The following CEMIP2 variants were observed in gnomAD, a reference collection of about 807,000 sequenced individuals.
CEMIP2 encodes cell surface hyaluronidase CEMIP2.
CEMIP2 carries 79 observed loss-of-function variants against 146.9 expected under a neutral mutation model. The ratio of observed to expected loss-of-function variants is 0.54; its 90% CI spans 0.45 to 0.65. CEMIP2 has a LOEUF of 0.65. Ranked by LOEUF, CEMIP2 falls within the 30% of genes least tolerant of loss-of-function variation. The pLI, the probability that CEMIP2 is intolerant of heterozygous loss-of-function variation, is 0.00. For synonymous variants in CEMIP2, 601 were observed against 606.3 expected, an observed-to-expected ratio of 0.99 and a Z score of 0.13; for missense variants, 1,596 against 1,696.2, an observed-to-expected ratio of 0.94 and a Z score of 1.04.
chr9:71,752,206 A>C (rs1472425087), intron 1 of CEMIP2, among the ~76,000 whole-genome samples: 1 of 151,666 alleles, frequency 6.6e-6, no homozygotes, highest in Non-Finnish European at 1.5e-5. Context: ...TTTAACTTAC[A>C]CCACTGTGTC....
chr9:71,748,591 A>C (rs1824154937), intron 2 of CEMIP2, among the ~76,000 whole-genome samples: 1 of 152,190 alleles, frequency 6.6e-6, no homozygotes, highest in Admixed American at 6.5e-5. Flanking sequence ...ACTGCAGAAG[A>C]GTTGGGAAGT....
chr9:71,742,487 C>T (rs1052285501), intron 4 of CEMIP2, among the ~76,000 whole-genome samples: 3 of 152,138 alleles, frequency 2.0e-5, no homozygotes, highest in African/African-American at 4.8e-5. Flanking sequence ...CTTCAAAGGC[C>T]TATGTGTTTA....
At chr9:71,728,239 A>AAG (rs374715353) in intron 10 of CEMIP2, among the ~76,000 whole-genome samples, 1 of 30,060 alleles carries the variant, frequency 3.3e-5, no homozygotes, top group Non-Finnish European at 9.1e-5. Flanking sequence ...CTCTATATAT[A>AAG]TATATATATA....
chr9:71,715,649 CT>C (rs1413540240), intron 14 of CEMIP2, among the ~76,000 whole-genome samples: 16 of 48,802 alleles, frequency 3.3e-4, no homozygotes, highest in Non-Finnish European at 4.4e-4. Flanking sequence ...TATATATATA[CT>C]TTTTTTTTTT....
At chr9:71,746,505 C>T (rs565315907) in intron 2 of CEMIP2, among the ~76,000 whole-genome samples, 164 bp from the exon 3 acceptor site, 13 of 150,096 alleles carry the variant, frequency 8.7e-5, no homozygotes, top group African/African-American at 2.9e-4. Flanking sequence ...CAGCAGAGAA[C>T]CATCTTACCC....
chr9:71,767,914 A>G lies in CEMIP2; in HGVS notation c.-13+443T>C, dbSNP rs765088343. On this transcript the variant is annotated intron_variant, in intron 1 of 23. Coordinates refer to ENST00000377044, the MANE Select transcript of CEMIP2 (RefSeq NM_013390.3). Reference sequence around the variant, plus strand: ...CGCGCGCACTGAAGCCCGGACTGCAAAGCACATTCCATCAACCTTTCACTG... The same window carrying G: ...CGCGCGCACTGAAGCCCGGACTGCAGAGCACATTCCATCAACCTTTCACTG... Among the ~76,000 whole-genome samples the G allele has an allele frequency of 2.1e-4, 32 of 152,180 alleles. 1 individual carries two copies. The highest frequency in any genetic ancestry group is 4.0e-4 in the Non-Finnish European group (27 of 68,020).
At chr9:71,703,477 C>G (rs1250559924) in intron 18 of CEMIP2, among the ~76,000 whole-genome samples, 5 of 152,228 alleles carry the variant, frequency 3.3e-5, no homozygotes, top group Non-Finnish European at 5.9e-5. Context: ...TTTCTTAAAG[C>G]TGAATTCCTA....
At chr9:71,752,463 AGGAAGGAAGGAAGGAAGG>A (rs1223846199) in intron 1 of CEMIP2, among the ~76,000 whole-genome samples, 1 of 62 alleles carries the variant, frequency 0.016, no homozygotes, top group Non-Finnish European at 0.031. Context: ...GCCAAGAGGA[AGGAAGGAAGGAAGGAAGG>A]GGGAGGGAAG....
At chr9:71,740,532 A>G (rs990469772) in intron 4 of CEMIP2, among the ~76,000 whole-genome samples, 9 of 152,214 alleles carry the variant, frequency 5.9e-5, no homozygotes, top group African/African-American at 2.2e-4. Context: ...CACACATAAC[A>G]TTCTGGCCAA....
intron 21 of CEMIP2, among the ~76,000 whole-genome samples, chr9:71,690,450 T>A (rs1290614411): frequency 1.3e-5 from 2 of 152,228 alleles, no homozygotes; most frequent in Non-Finnish European, 2.9e-5. Flanking sequence ...AGATTCTGCC[T>A]TGACTGATGT....
chr9:71,697,801 G>T, intron 20 of CEMIP2, 184 bp downstream of exon 20: 1 of 581,118 alleles, frequency 1.7e-6, no homozygotes, highest in Non-Finnish European at 3.0e-6. Flanking sequence ...AAGTATCTCT[G>T]TCATAAATTT....
intron 21 of CEMIP2, among the ~76,000 whole-genome samples, chr9:71,691,345 G>C (rs187984281): frequency 5.9e-5 from 9 of 151,386 alleles, no homozygotes; most frequent in Non-Finnish European, 1.0e-4. Flanking sequence ...TTGAACCCAG[G>C]AGGTGGAGGC....
chr9:71,698,047 A>C lies in CEMIP2; in HGVS notation c.3535T>G (p.Ser1179Ala). The change falls in exon 20 of 24, where the codon TCA (serine) becomes GCA (alanine). Residue 1179 changes from serine (S) to alanine (A), a missense_variant. Physicochemically the swap from Ser to Ala is moderately conservative, Grantham distance 99 (BLOSUM62 1). Coordinates refer to ENST00000377044, the MANE Select transcript of CEMIP2 (RefSeq NM_013390.3). ...ATGGCCGGCATCCGCTTGACCACTG[A>C]CGGCTTTCTGTAGTACTGTGGGTAT... ...KAYPQYYRKP[S>A]VVKRMPAMLT... 1 of 1,614,120 alleles carries C rather than the reference A, an allele frequency of 6.2e-7. No homozygotes were observed. The highest frequency in any genetic ancestry group is 8.5e-7 in the Non-Finnish European group (1 of 1,180,030).
At chr9:71,725,746 T>A (rs1474776289) in intron 10 of CEMIP2, 37 bp from the exon 11 acceptor site, 1 of 1,596,098 alleles carries the variant, frequency 6.3e-7, no homozygotes, top group Admixed American at 1.8e-5. Flanking sequence ...AAAGCCTAAT[T>A]TATACAGATA....
In CEMIP2 at chr9:71,685,977, G is replaced by A; in HGVS notation, c.3852-131C>T. The A allele has an allele frequency of 4.5e-6, 3 of 672,316 alleles. No homozygotes were observed. The South Asian group carries it at 6.0e-5, about 13-fold the overall frequency. 41.6% of individuals were successfully genotyped at this position (672,316 alleles called of 1,614,324 possible). A position where few individuals can be genotyped will look rare whatever the true frequency, so the allele number is the denominator to read the frequency against. ...AAAGCAGAACTCCAAAAAGAAAAAA[G>A]TCTAGATGATTTTCCATCCAATTCC... On this transcript the variant is annotated intron_variant, in intron 22 of 23. Coordinates refer to ENST00000377044, the MANE Select transcript of CEMIP2 (RefSeq NM_013390.3).
In CEMIP2 at chr9:71,730,891, G is replaced by A; in HGVS notation, c.1587C>T (p.Val529=). 1 of 1,614,116 alleles carries A rather than the reference G, an allele frequency of 6.2e-7. No individual in the cohort carries two copies. The highest frequency in any genetic ancestry group is 8.5e-7 in the Non-Finnish European group (1 of 1,180,020). ...GTTTCAATTCCACATAAGAAAGATG[G>A]ACTGAAGTAAAATTTTTCATTATCT... is the stretch of plus-strand genomic sequence containing the variant. The part of the protein sequence containing the change: ...HIMIMKNFTS[V]HLSYVELKHM... Residue 529 remains valine (V), a synonymous_variant, in exon 8 of 24, where the codon GTC becomes GTT. Coordinates refer to ENST00000377044, the MANE Select transcript of CEMIP2 (RefSeq NM_013390.3).
In CEMIP2 at chr9:71,685,395, T is replaced by A. The variant is rs878916041; in HGVS notation, c.3956-2A>T. The A allele has an allele frequency of 2.1e-3, 2,488 of 1,175,620 alleles. No homozygotes were observed. Among genetic ancestry groups the A allele is most frequent in the East Asian group, 4.6e-3 (139 of 30,098 alleles). 72.8% of individuals were successfully genotyped at this position (1,175,620 alleles called of 1,614,324 possible). Reference sequence around the variant, plus strand: ...TGAATCCCAAAAATATGGTACTCCCTAAAAAAAAAAAAAAAAAAGAAAAAG... The same window carrying A: ...TGAATCCCAAAAATATGGTACTCCCAAAAAAAAAAAAAAAAAAAGAAAAAG... On this transcript the variant is annotated splice_acceptor_variant, in intron 23 of 23. Coordinates refer to ENST00000377044, the MANE Select transcript of CEMIP2 (RefSeq NM_013390.3). LOFTEE classifies it high-confidence loss of function.
chr9:71,741,969 A>G (rs897879267), intron 4 of CEMIP2, among the ~76,000 whole-genome samples: 1 of 152,186 alleles, frequency 6.6e-6, no homozygotes, highest in African/African-American at 2.4e-5. Flanking sequence ...GATACTAAAT[A>G]TCTGAGAGAC....
intron 21 of CEMIP2, among the ~76,000 whole-genome samples, chr9:71,694,302 AT>A (rs1250802415): frequency 2.6e-5 from 4 of 151,770 alleles, no homozygotes; most frequent in African/African-American, 9.7e-5. Context: ...AATTTTTTGT[AT>A]TTTTAGTAGA....
Sources: allele counts gnomAD v4.1 joint callset (sites outside exome capture counted in the v4.1 genomes callset), GRCh38; gene constraint gnomAD v4.1.1; transcripts MANE v1.5; gene names NCBI Gene and HGNC (gene_info 2026-07-23, HGNC 2026-07-21).